Variants in RBFOX3 observed in about 807,000 individuals in gnomAD.
The protein encoded by RBFOX3 is RNA binding protein fox-1 homolog 3.
RBFOX3 carries 17 observed loss-of-function variants against 48.7 expected under a neutral mutation model. That is an observed-to-expected ratio of 0.35 (90% CI 0.24 to 0.52). RBFOX3 has a LOEUF of 0.52. Among genes scored for constraint, RBFOX3 ranks in the 20% least tolerant of loss-of-function variants. The pLI, the probability that RBFOX3 is intolerant of heterozygous loss-of-function variation, is 0.94. For missense variants in RBFOX3, 382 were observed against 497.5 expected (o/e 0.77, Z 2.21); for synonymous variants, 212 against 209.5 (o/e 1.01, Z -0.10).
intron 4 of RBFOX3, 78 bp from the exon 5 acceptor site, chr17:79,115,826 T>C (rs1315054716): frequency 1.4e-5 from 8 of 565,614 alleles, no homozygotes; most frequent in East Asian, 3.2e-5. Flanking sequence ...GCCTTGTGGC[T>C]GAGCAGAGCT....
chr17:79,435,514 A>G (rs1431770192), intron 2 of RBFOX3, among the ~76,000 whole-genome samples: 1 of 152,168 alleles, frequency 6.6e-6, no homozygotes, highest in Non-Finnish European at 1.5e-5. Flanking sequence ...ACCCAGCTTT[A>G]CCTTTCTGTA....
At chr17:79,402,431 A>T (rs1208667412) in intron 2 of RBFOX3, among the ~76,000 whole-genome samples, 1 of 152,214 alleles carries the variant, frequency 6.6e-6, no homozygotes, top group African/African-American at 2.4e-5. Flanking sequence ...AAACCTAATT[A>T]AATTGGGAGC....
intron 1 of RBFOX3, among the ~76,000 whole-genome samples, chr17:79,573,825 G>A (rs1368627391): frequency 2.6e-5 from 4 of 152,178 alleles, no homozygotes; most frequent in African/African-American, 9.7e-5. Context: ...GGGGGAGGGT[G>A]CCTAAAGCAG....
Position 79,480,939 on chromosome 17 carries a change from A to T in RBFOX3, c.-175+1515T>A, listed in dbSNP as rs1390703740. ...GTCTCCACTGCGTCTCCAGCACCCC[A>T]AACAGGGCTCAGCACATCGGGGGCT... is the stretch of plus-strand genomic sequence containing the variant. On this transcript the variant is annotated intron_variant, in intron 2 of 14. Transcript: ENST00000693108. The surrounding 1 kb of genome is among the most constrained non-coding windows in gnomAD (Gnocchi z 4.8). 6.6e-6 allele frequency among the ~76,000 whole-genome samples: 1 copy of T among 152,200 alleles called. No homozygotes were observed. Among genetic ancestry groups the T allele is most frequent in the Non-Finnish European group, 1.5e-5 (1 of 68,034 alleles).
At chr17:79,618,331 T>A in the RBFOX3 span, among the ~76,000 whole-genome samples, 1 of 152,094 alleles carries the variant, frequency 6.6e-6, no homozygotes, top group African/African-American at 2.4e-5. Flanking sequence ...CCGTCTTCCA[T>A]CTCCTTGTCT....
intron 12 of RBFOX3, among the ~76,000 whole-genome samples, 154 bp downstream of exon 12, chr17:79,096,499 A>G (rs1003726007): frequency 4.7e-5 from 7 of 150,326 alleles, no homozygotes; most frequent in African/African-American, 1.7e-4. Context: ...GGGATGCCAT[A>G]CTCTGGGCAG....
intron 2 of RBFOX3, among the ~76,000 whole-genome samples, chr17:79,439,809 A>G (rs1247048808): frequency 1.3e-5 from 2 of 152,164 alleles, no homozygotes; most frequent in African/African-American, 4.8e-5. Context: ...CACATACCAG[A>G]CCTTCCTGGG....
intron 1 of RBFOX3, among the ~76,000 whole-genome samples, chr17:79,537,083 C>CAAACA (rs1157121055): frequency 4.3e-5 from 6 of 139,522 alleles, no homozygotes; most frequent in South Asian, 2.3e-4. Flanking sequence ...GACTCCGTCT[C>CAAACA]AAACAAAACA....
At chr17:79,229,703 G>A (rs1157278746) in intron 4 of RBFOX3, among the ~76,000 whole-genome samples, 2 of 152,084 alleles carry the variant, frequency 1.3e-5, no homozygotes, top group African/African-American at 2.4e-5. Context: ...ATCCAAACCC[G>A]TGAAATCCAC....
intron 1 of RBFOX3, among the ~76,000 whole-genome samples, chr17:79,586,278 C>A (rs1204379123): frequency 6.6e-6 from 1 of 152,204 alleles, no homozygotes; most frequent in Non-Finnish European, 1.5e-5. Flanking sequence ...TGTGAGCAAG[C>A]CTGAGTGAGC....
At chr17:79,561,671 G>A (rs1471114217) in intron 1 of RBFOX3, among the ~76,000 whole-genome samples, 2 of 152,182 alleles carry the variant, frequency 1.3e-5, no homozygotes, top group African/African-American at 4.8e-5. Context: ...CACTGAAGCA[G>A]GTGTCCTCAC....
At chr17:79,640,345 G>A in the RBFOX3 span, among the ~76,000 whole-genome samples, 1 of 152,208 alleles carries the variant, frequency 6.6e-6, no homozygotes, top group African/African-American at 2.4e-5. Context: ...TTCATGGATT[G>A]GAATAATTAA....
chr17:79,108,905 G>A (rs370715666), intron 5 of RBFOX3, among the ~76,000 whole-genome samples: 3 of 152,352 alleles, frequency 2.0e-5, no homozygotes, highest in East Asian at 1.9e-4. Flanking sequence ...AAGGGCTGTA[G>A]GGCTGTGGAG....
chr17:79,524,131 A>C (rs1173209595), intron 1 of RBFOX3, among the ~76,000 whole-genome samples: 1 of 152,200 alleles, frequency 6.6e-6, no homozygotes, highest in Non-Finnish European at 1.5e-5. Flanking sequence ...TTTCCTCCTG[A>C]GAGAGGATTC....
chr17:79,390,044 A>AGGTCTCCGCAGCCGCCG lies in RBFOX3; in HGVS notation c.-174-82237_-174-82221dup, dbSNP rs1568165424. ...CAGCCTCCAGGTCTCCGTAGCCTCC[A>AGGTCTCCGCAGCCGCCG]GGTCTCCGCAGCCGCCGGGTCTCCG... On this transcript the variant is annotated intron_variant, in intron 2 of 14. Coordinates refer to ENST00000693108, the MANE Select transcript of RBFOX3 (RefSeq NM_001350451.2). The surrounding 1 kb of genome is among the most constrained non-coding windows in gnomAD (Gnocchi z 4.2). Among the ~76,000 whole-genome samples, 2 of 59,102 alleles carry AGGTCTCCGCAGCCGCCG rather than the reference A, an allele frequency of 3.4e-5. No homozygotes were observed. The highest frequency in any genetic ancestry group is 8.2e-4 in the East Asian group (1 of 1,224). 38.8% of individuals were successfully genotyped at this position (59,102 alleles called of 152,430 possible). A position where few individuals can be genotyped will look rare whatever the true frequency, so the allele number is the denominator to read the frequency against.
At chr17:79,555,533 T>C (rs1160318107) in intron 1 of RBFOX3, among the ~76,000 whole-genome samples, 2 of 146,652 alleles carry the variant, frequency 1.4e-5, no homozygotes, top group African/African-American at 2.6e-5. Context: ...ATGGTAGTTG[T>C]GGTGGTGGTG....
At chr17:79,213,816 C>G (rs576678575) in intron 4 of RBFOX3, among the ~76,000 whole-genome samples, 8 of 152,200 alleles carry the variant, frequency 5.3e-5, no homozygotes, top group Non-Finnish European at 1.2e-4. Flanking sequence ...CAAAGGGCTG[C>G]GAACGTCACA....
intron 2 of RBFOX3, among the ~76,000 whole-genome samples, chr17:79,442,398 AG>A (rs1555735652): frequency 1.5e-5 from 2 of 135,850 alleles, no homozygotes; most frequent in Non-Finnish European, 3.2e-5. Context: ...AGAGAGAGAG[AG>A]AGAAAGAGAG....
chr17:79,226,469 G>A (rs1441757140), intron 4 of RBFOX3, among the ~76,000 whole-genome samples: 1 of 152,114 alleles, frequency 6.6e-6, no homozygotes, highest in Non-Finnish European at 1.5e-5. Context: ...ATGGCTTCCT[G>A]GCCTGATGAG....
Sources: allele counts gnomAD v4.1 joint callset (sites outside exome capture counted in the v4.1 genomes callset), GRCh38; gene constraint gnomAD v4.1.1; non-coding constraint Gnocchi (gnomAD v3.1); transcripts MANE v1.5; gene names NCBI Gene and HGNC (gene_info 2026-07-23, HGNC 2026-07-21).